The following TARS3 variants were observed in gnomAD, a reference collection of about 807,000 sequenced individuals.
TARS3 encodes the protein threonyl-tRNA synthetase 3, also known as threonine--tRNA ligase 2, cytoplasmic.
In TARS3, 94 loss-of-function variants were observed where a neutral mutation model predicts 103.5. That is an observed-to-expected ratio of 0.91 (90% confidence interval 0.77 to 1.08). TARS3 has a LOEUF of 1.08. TARS3 is among the 50% of genes least tolerant of loss of function. The pLI is 0.00. For missense variants in TARS3, 952 were observed against 995.2 expected (o/e 0.96, Z 0.58); for synonymous variants, 416 against 355.4 (o/e 1.17, Z -1.92).
At chr15:101,705,808 C>G in intron 6 of TARS3, 61 bp from the exon 7 acceptor site, 4 of 1,350,720 alleles carry the variant, frequency 3.0e-6, no homozygotes, top group Non-Finnish European at 4.1e-6. Flanking sequence ...GAAAACAACT[C>G]TACTTTTCTT....
intron 3 of TARS3, among the ~76,000 whole-genome samples, chr15:101,718,747 G>A (rs1045253551): frequency 6.6e-6 from 1 of 152,176 alleles, no homozygotes; most frequent in Non-Finnish European, 1.5e-5. Context: ...CAACAACAGG[G>A]TGAGAAGTCT....
At position 101,724,152 on chromosome 15, in the gene TARS3, C is replaced by T. The variant is rs563120373; in HGVS notation, c.236G>A (p.Arg79Gln). 5.5e-6 allele frequency: 8 copies of T among 1,467,880 alleles called. No individual in the cohort carries two copies. The highest frequency in any genetic ancestry group is 3.9e-5 in the South Asian group (3 of 76,298). The allele number at this position is 1,467,880 out of a possible 1,614,324, so 90.9% of individuals were successfully genotyped here. The change falls in exon 1 of 19, where the codon CGG (arginine) becomes CAG (glutamine). Residue 79 changes from arginine to glutamine, a missense_variant. Transcript: ENST00000335968. Reference sequence around the variant, plus strand: ...GCTCTCCAGCGTGGCCTGGCGGCTCCGCTCCTCGGCGAGGCACAGCCGCAG... The same window carrying T: ...GCTCTCCAGCGTGGCCTGGCGGCTCTGCTCCTCGGCGAGGCACAGCCGCAG... ...CSLRLCLAEE[R>Q]SRQATLESAE...
intron 17 of TARS3, 59 bp downstream of exon 17, chr15:101,657,726 G>C (rs1332419863): frequency 1.7e-6 from 2 of 1,162,010 alleles, no homozygotes; most frequent in Non-Finnish European, 2.5e-6. Flanking sequence ...ACTCCAAATC[G>C]ATGACCTACA....
chr15:101,706,357 T>C (rs1173539797), intron 6 of TARS3, among the ~76,000 whole-genome samples: 1 of 152,180 alleles, frequency 6.6e-6, no homozygotes, highest in Non-Finnish European at 1.5e-5. Flanking sequence ...AAGTATAATG[T>C]TGCAAAAAGA....
chr15:101,724,151 C>G lies in TARS3; in HGVS notation c.237G>C (p.Arg79=). 6.8e-7 allele frequency: 1 copy of G among 1,467,890 alleles called. No individual in the cohort carries two copies. The highest frequency in any genetic ancestry group is 9.0e-7 in the Non-Finnish European group (1 of 1,111,040). The allele number at this position is 1,467,890 out of a possible 1,614,324, so 90.9% of individuals were successfully genotyped here. Residue 79 remains arginine, a synonymous_variant, in exon 1 of 19, where the codon CGG becomes CGC. Transcript: ENST00000335968. Reference sequence around the variant, plus strand: ...CGCTCTCCAGCGTGGCCTGGCGGCTCCGCTCCTCGGCGAGGCACAGCCGCA... The same window carrying G: ...CGCTCTCCAGCGTGGCCTGGCGGCTGCGCTCCTCGGCGAGGCACAGCCGCA... ...CSLRLCLAEE[R]SRQATLESAE... is the part of the protein sequence containing the mutation.
chr15:101,716,309 G>A (rs1900156117), intron 3 of TARS3, among the ~76,000 whole-genome samples: 1 of 151,832 alleles, frequency 6.6e-6, no homozygotes, highest in South Asian at 2.1e-4. Context: ...TTTGAAAATT[G>A]TTGACAAAAT....
chr15:101,661,107 A>ACCACTCAAAAAGGACCACAAGATGCC (rs1897358377), intron 16 of TARS3, among the ~76,000 whole-genome samples: 1 of 152,048 alleles, frequency 6.6e-6, no homozygotes, highest in African/African-American at 2.4e-5. Context: ...CACAGGATGC[A>ACCACTCAAAAAGGACCACAAGATGCC]CCACTCAAAA....
chr15:101,671,362 T>C, intron 15 of TARS3, 124 bp downstream of exon 15: 1 of 706,768 alleles, frequency 1.4e-6, no homozygotes, highest in Non-Finnish European at 2.3e-6. Context: ...GGTAAACAAA[T>C]ATATATTGCG....
At chr15:101,656,675 A>C (rs1897207577) in intron 18 of TARS3, among the ~76,000 whole-genome samples, 1 of 152,228 alleles carries the variant, frequency 6.6e-6, no homozygotes, top group Non-Finnish European at 1.5e-5. Context: ...TTTGCTTGCA[A>C]TATGAACTAT....
rs370230142 is a variant in TARS3 at position 101,703,934 on chromosome 15, G to T, written c.999C>A (p.Cys333Ter). 6.2e-7 allele frequency: 1 copy of T among 1,609,002 alleles called. No individual in the cohort carries two copies. Among genetic ancestry groups the T allele is most frequent in the Non-Finnish European group, 8.5e-7 (1 of 1,175,850 alleles). Residue 333 changes from cysteine to a stop codon, truncating the protein, a stop_gained, in exon 8 of 19, where the codon TGC becomes TGA. Transcript: ENST00000335968. LOFTEE classifies it high-confidence loss of function. Reference sequence around the variant, plus strand: ...CTTTGCAAAGGTCAATTAATGGACCGCACCTATAATGAAATATTTAGGACA... The same window carrying T: ...CTTTGCAAAGGTCAATTAATGGACCTCACCTATAATGAAATATTTAGGACA... ...VNTATTTVYR[C>*]GPLIDLCKGP...
chr15:101,685,581 C>T (rs1212398835), intron 11 of TARS3, among the ~76,000 whole-genome samples: 1 of 152,008 alleles, frequency 6.6e-6, no homozygotes, highest in African/African-American at 2.4e-5. Context: ...AAATATTCTG[C>T]AAATATGAAC....
chr15:101,685,761 C>G, intron 11 of TARS3, 135 bp downstream of exon 11: 1 of 639,798 alleles, frequency 1.6e-6, no homozygotes. Flanking sequence ...CGGAATGAAA[C>G]AACTTAGTAA....
At chr15:101,705,522 T>C (rs1254745726) in intron 7 of TARS3, among the ~76,000 whole-genome samples, 161 bp downstream of exon 7, 1 of 152,222 alleles carries the variant, frequency 6.6e-6, no homozygotes, top group Admixed American at 6.5e-5. Context: ...GGGAAAATAA[T>C]CATTTCTCTT....
intron 10 of TARS3, among the ~76,000 whole-genome samples, chr15:101,698,464 G>A (rs537853349): frequency 2.8e-4 from 43 of 152,226 alleles, no homozygotes; most frequent in Non-Finnish European, 5.6e-4. Flanking sequence ...TCACAGCCAG[G>A]CAGAGCAAAA....
intron 11 of TARS3, 47 bp downstream of exon 11, chr15:101,685,848 CG>C: frequency 1.4e-6 from 2 of 1,433,916 alleles, no homozygotes. Context: ...TGTGACGAAG[CG>C]TGCTATGTGC....
intron 12 of TARS3, 140 bp from the exon 13 acceptor site, chr15:101,675,877 C>A: frequency 1.1e-6 from 1 of 919,756 alleles, no homozygotes; most frequent in Non-Finnish European, 1.6e-6. Context: ...GTTGCTTATC[C>A]AATCCTGAGC....
chr15:101,687,716 A>C (rs1310218213), intron 10 of TARS3, among the ~76,000 whole-genome samples: 3 of 152,082 alleles, frequency 2.0e-5, no homozygotes, highest in African/African-American at 7.2e-5. Flanking sequence ...TCTCCCCCAA[A>C]ATTGTGATAT....
At chr15:101,679,904 C>G (rs186091906) in intron 12 of TARS3, among the ~76,000 whole-genome samples, 487 of 152,270 alleles carry the variant, frequency 3.2e-3, no homozygotes, top group African/African-American at 0.011. Context: ...GGTGTTCTAG[C>G]CCCCCTCCAT....
intron 2 of TARS3, among the ~76,000 whole-genome samples, chr15:101,721,553 G>C (rs1456444323): frequency 6.6e-6 from 1 of 152,036 alleles, no homozygotes; most frequent in Admixed American, 6.6e-5. Flanking sequence ...GGAGTGCAGG[G>C]GCACGAAATC....
Sources: gnomAD v4.1 joint callset for allele counts (sites outside exome capture counted in the v4.1 genomes callset) on GRCh38, gnomAD v4.1.1 for gene constraint, MANE v1.5 for transcripts, NCBI Gene and HGNC (gene_info 2026-07-23, HGNC 2026-07-21) for gene names.